GOLGA8A: variants seen among roughly 807,000 people sequenced by gnomAD.
The protein encoded by GOLGA8A is golgin subfamily A member 8A.
In GOLGA8A, 3 loss-of-function variants were observed where a neutral mutation model predicts 22.1. The ratio of observed to expected loss-of-function variants is 0.14; its 90% confidence interval spans 0.06 to 0.35. The LOEUF (loss-of-function observed/expected upper bound fraction) is 0.35, where lower values mean the gene tolerates loss of function less well. GOLGA8A is among the 10% of genes least tolerant of loss of function. The probability of loss-of-function intolerance (pLI) is 1.00; values close to 1 mark genes in which losing one functional copy is unlikely to be tolerated. For missense variants in GOLGA8A, 16 were observed against 233.2 expected, an observed-to-expected ratio of 0.07 and a Z score of 6.07; for synonymous variants, 7 against 91.7, an observed-to-expected ratio of 0.08 and a Z score of 5.28.
At position 34,381,084 on chromosome 15, in the gene GOLGA8A, G is replaced by A. The variant is rs1268941667; in HGVS notation, c.*327C>T. The A allele has an allele frequency of 2.2e-5, 9 of 412,010 alleles. No individual in the cohort carries two copies. The highest frequency in any genetic ancestry group is 1.5e-4 in the Admixed American group (4 of 26,412). 25.5% of individuals were successfully genotyped at this position (412,010 alleles called of 1,614,324 possible). A position where few individuals can be genotyped will look rare whatever the true frequency, so the allele number is the denominator to read the frequency against. On this transcript the variant is annotated 3_prime_UTR_variant, in exon 25 of 25. Transcript: ENST00000359187. ...GCACGGGAGCCTATTCCAAACCAGCGAGAACAGTTTTGTGCAAAGAGTGGG... is the reference window on the plus strand; with the variant it reads ...GCACGGGAGCCTATTCCAAACCAGCAAGAACAGTTTTGTGCAAAGAGTGGG...
chr15:34,427,160 G>A lies in GOLGA8A; in HGVS notation c.-1123+8223C>T, dbSNP rs560086922. Among the ~76,000 whole-genome samples, 16 of 147,138 alleles carry A rather than the reference G, an allele frequency of 1.1e-4. 1 individual carries two copies. In the South Asian group the frequency reaches 1.1e-3, roughly 10 times the overall value. The stretch of plus-strand genomic sequence containing the variant: ...ATCCTGGCTAACACGGTGAAACCTC[G>A]TCTGTACTAAAAATACAAAAGTTAG... On this transcript the variant is annotated intron_variant, in intron 2 of 24. Coordinates refer to ENST00000359187, the MANE Select transcript of GOLGA8A (RefSeq NM_181077.5).
chr15:34,429,449 G>C (rs1893131045), intron 2 of GOLGA8A, among the ~76,000 whole-genome samples: 1 of 146,432 alleles, frequency 6.8e-6, no homozygotes, highest in Admixed American at 7.0e-5. Flanking sequence ...CTTCTGCCGA[G>C]AGGGCTCTTC....
At chr15:34,429,520 C>T (rs1392222338) in intron 2 of GOLGA8A, among the ~76,000 whole-genome samples, 3 of 148,338 alleles carry the variant, frequency 2.0e-5, no homozygotes, top group Non-Finnish European at 3.0e-5. Flanking sequence ...CATGATCCAC[C>T]CCAACCTACC....
chr15:34,429,247 AAT>A (rs1210211992), intron 2 of GOLGA8A, among the ~76,000 whole-genome samples: 1 of 147,040 alleles, frequency 6.8e-6, no homozygotes, highest in East Asian at 2.0e-4. Flanking sequence ...CACTTGGTAA[AAT>A]ATGTGTTGTT....
chr15:34,405,812 C>A (rs144924553), intron 4 of GOLGA8A, among the ~76,000 whole-genome samples: 15,182 of 130,872 alleles, frequency 0.12, 982 homozygotes, highest in Non-Finnish European at 0.15. Context: ...GGACGCCAAT[C>A]AATAGTATCC....
At chr15:34,399,083 C>T (rs1793704772) in intron 7 of GOLGA8A, 72 bp downstream of exon 7, 1 of 143,036 alleles carries the variant, frequency 7.0e-6, no homozygotes, top group Admixed American at 7.1e-5. Flanking sequence ...GAACCTTCTA[C>T]TTACAACCTA....
chr15:34,432,600 T>C (rs879160519), intron 2 of GOLGA8A, among the ~76,000 whole-genome samples: 8 of 149,578 alleles, frequency 5.3e-5, no homozygotes, highest in East Asian at 2.0e-4. Context: ...CCCGATGATG[T>C]GTGTTTCATT....
intron 2 of GOLGA8A, among the ~76,000 whole-genome samples, chr15:34,413,202 TACC>T (rs1325373402): frequency 3.1e-5 from 1 of 32,518 alleles, no homozygotes; most frequent in Non-Finnish European, 9.6e-5. Flanking sequence ...TATGTATATT[TACC>T]ACAATAAAAG....
At chr15:34,431,155 C>T (rs1893210740) in intron 2 of GOLGA8A, among the ~76,000 whole-genome samples, 1 of 148,032 alleles carries the variant, frequency 6.8e-6, no homozygotes, top group Non-Finnish European at 1.5e-5. Flanking sequence ...GATAATCAAA[C>T]CAACTGCGGG....
chr15:34,381,703 CCAT>C lies in GOLGA8A; in HGVS notation c.1604_1606del (p.His535_Gly536delinsArg), dbSNP rs778595140. 8.7e-6 allele frequency: 12 copies of C among 1,386,540 alleles called. No individual in the cohort carries two copies. The East Asian group carries it at 1.6e-4, about 18-fold the overall frequency. The allele number at this position is 1,386,540 out of a possible 1,614,324, so 85.9% of individuals were successfully genotyped here. ...CCCCGCCTGGGGGCTCTACTCACCA[CCAT>C]GCTTGTCGGCAGCCCCGAGCTCCTG... On this transcript the variant is annotated inframe_deletion, in exon 24 of 25. Transcript: ENST00000359187.
chr15:34,418,323 T>C (rs981212431), intron 2 of GOLGA8A: 6 of 139,646 alleles, frequency 4.3e-5, no homozygotes. Context: ...GTCCTGGGTA[T>C]AATTTTAGAT....
chr15:34,429,357 C>G lies in GOLGA8A; in HGVS notation c.-1123+6026G>C, dbSNP rs1015934480. 2.0e-4 allele frequency among the ~76,000 whole-genome samples: 30 copies of G among 146,366 alleles called. 1 individual carries two copies. The highest frequency in any genetic ancestry group is 5.0e-5 in the African/African-American group (2 of 39,646). On this transcript the variant is annotated intron_variant, in intron 2 of 24. Coordinates refer to ENST00000359187, the MANE Select transcript of GOLGA8A (RefSeq NM_181077.5). ...ACTGCCCCCCAACCCCCATCTCCAG[C>G]TCTGACCTACACAAACTACATAATC...
At chr15:34,427,880 ATAAC>A (rs1463596071) in intron 2 of GOLGA8A, among the ~76,000 whole-genome samples, 1 of 148,604 alleles carries the variant, frequency 6.7e-6, no homozygotes, top group Non-Finnish European at 1.5e-5. Flanking sequence ...TCTTCCTGGA[ATAAC>A]TAACAGTCTC....
In GOLGA8A at chr15:34,431,291, TTATATATATATATATATATACATATATA is replaced by T. The variant is rs1330648635; in HGVS notation, c.-1123+4064_-1123+4091del. ...GCCAAACCAACCAAATGAAAAAAAA[TTATATATATATATATATATACATATATA>T]TATATATATATATATATATATATAT... On this transcript the variant is annotated intron_variant, in intron 2 of 24. Coordinates refer to ENST00000359187, the MANE Select transcript of GOLGA8A (RefSeq NM_181077.5). Among the ~76,000 whole-genome samples, 512 of 112,108 alleles carry T rather than the reference TTATATATATATATATATATACATATATA, an allele frequency of 4.6e-3. 25 individuals are homozygous for T. Among genetic ancestry groups the T allele is most frequent in the African/African-American group, 8.9e-3 (252 of 28,266 alleles). 73.5% of individuals were successfully genotyped at this position (112,108 alleles called of 152,430 possible). A position where few individuals can be genotyped will look rare whatever the true frequency, so the allele number is the denominator to read the frequency against.
chr15:34,426,683 C>T lies in GOLGA8A; in HGVS notation c.-1123+8700G>A, dbSNP rs146898154. ...TCCTTCTCAACTCCAAATTCCACTG[C>T]CAGAAAAATGGCACCTTTCTTCTCC... On this transcript the variant is annotated intron_variant, in intron 2 of 24. Coordinates refer to ENST00000359187, the MANE Select transcript of GOLGA8A (RefSeq NM_181077.5). Among the ~76,000 whole-genome samples the T allele has an allele frequency of 5.4e-4, 78 of 144,562 alleles. 9 individuals carry two copies. The highest frequency in any genetic ancestry group is 1.8e-3 in the African/African-American group (70 of 39,830). The allele number at this position is 144,562 out of a possible 152,430, so 94.8% of individuals were successfully genotyped here.
At chr15:34,429,668 C>T (rs1893140544) in intron 2 of GOLGA8A, among the ~76,000 whole-genome samples, 1 of 148,216 alleles carries the variant, frequency 6.7e-6, no homozygotes, top group African/African-American at 2.5e-5. Flanking sequence ...CAGCTCTAAA[C>T]TGGGAACAAG....
At chr15:34,426,258 C>T (rs1437451581) in intron 2 of GOLGA8A, among the ~76,000 whole-genome samples, 2 of 149,770 alleles carry the variant, frequency 1.3e-5, no homozygotes, top group African/African-American at 4.9e-5. Context: ...ACGCTGCTTG[C>T]GCAAAGGACA....
rs1217241200 is a variant in GOLGA8A, at chr15:34,437,689, T to A, written c.-1503A>T. ...CGCCGCCGTCCTCGCCGCGCCGCCG[T>A]CCTCGCCGCGCCGCCGTCCTCGCCG... On this transcript the variant is annotated 5_prime_UTR_variant, in exon 1 of 25. Coordinates refer to ENST00000359187, the MANE Select transcript of GOLGA8A (RefSeq NM_181077.5). Among the ~76,000 whole-genome samples the A allele has an allele frequency of 1.6e-5, 2 of 128,390 alleles. No individual in the cohort carries two copies. Among genetic ancestry groups the A allele is most frequent in the Admixed American group, 8.2e-5 (1 of 12,176 alleles). 84.2% of individuals were successfully genotyped at this position (128,390 alleles called of 152,430 possible). A position where few individuals can be genotyped will look rare whatever the true frequency, so the allele number is the denominator to read the frequency against.
At position 34,421,138 on chromosome 15, in the gene GOLGA8A, G is replaced by T. The variant is rs1281851997; in HGVS notation, c.-1122-13403C>A. On this transcript the variant is annotated intron_variant, in intron 2 of 24. Coordinates refer to ENST00000359187, the MANE Select transcript of GOLGA8A (RefSeq NM_181077.5). ...GAGATCACACTGGGGCGCCCCCTTT[G>T]CCCCCACTTCCTTGGGCTGTGGCTG... 2.1e-5 allele frequency among the ~76,000 whole-genome samples: 3 copies of T among 142,066 alleles called. No homozygotes were observed. The Admixed American group carries it at 2.2e-4, about 10-fold the overall frequency. The allele number at this position is 142,066 out of a possible 152,430, so 93.2% of individuals were successfully genotyped here.
Sources: allele counts gnomAD v4.1 joint callset (sites outside exome capture counted in the v4.1 genomes callset), GRCh38; gene constraint gnomAD v4.1.1; transcripts MANE v1.5; gene names NCBI Gene and HGNC (gene_info 2026-07-23, HGNC 2026-07-21).